The following FNDC3B variants were observed in gnomAD, a reference collection of about 807,000 sequenced individuals.
FNDC3B encodes fibronectin type III domain containing 3B.
FNDC3B carries 12 observed loss-of-function variants against 151.5 expected under a neutral mutation model. That is an observed-to-expected ratio of 0.08 (90% CI 0.05 to 0.13). The LOEUF is 0.13. Among genes scored for constraint, FNDC3B ranks in the 10% least tolerant of loss-of-function variants. The pLI is 1.00. For missense variants in FNDC3B, 1,214 were observed against 1,505.3 expected, an observed-to-expected ratio of 0.81 and a Z score of 3.20; for synonymous variants, 528 against 549.0, an observed-to-expected ratio of 0.96 and a Z score of 0.54.
At chr3:172,363,462 CA>C (rs1459625875) in intron 23 of FNDC3B, among the ~76,000 whole-genome samples, 2 of 152,156 alleles carry the variant, frequency 1.3e-5, no homozygotes, top group Non-Finnish European at 2.9e-5. Flanking sequence ...GATCAGAAGA[CA>C]GCCAAACTGT....
chr3:172,294,687 T>A (rs1730503195), intron 7 of FNDC3B, among the ~76,000 whole-genome samples: 1 of 152,236 alleles, frequency 6.6e-6, no homozygotes, highest in African/African-American at 2.4e-5. Context: ...CAGAGCTTAG[T>A]CCTTATAAAC....
At chr3:172,187,239 A>G (rs776099517) in intron 3 of FNDC3B, 1 of 152,636 alleles carries the variant, frequency 6.6e-6, no homozygotes, top group African/African-American at 2.4e-5. Context: ...TTTTTAAAAA[A>G]TGGGATCTTA....
intron 3 of FNDC3B, among the ~76,000 whole-genome samples, chr3:172,146,105 G>A (rs746124828): frequency 2.0e-5 from 3 of 152,110 alleles, no homozygotes; most frequent in Non-Finnish European, 2.9e-5. Context: ...GAGCCACCGT[G>A]CCTGGCGGAA....
Position 172,362,898 on chromosome 3 carries a change from A to T in FNDC3B, c.3008+53A>T. The T allele has an allele frequency of 2.2e-6, 3 of 1,369,212 alleles. No individual in the cohort carries two copies. The South Asian group carries it at 3.7e-5, about 17-fold the overall frequency. The allele number at this position is 1,369,212 out of a possible 1,614,324, so 84.8% of individuals were successfully genotyped here. A position where few individuals can be genotyped will look rare whatever the true frequency, so the allele number is the denominator to read the frequency against. ...AGCTTCTGTAGCTTTGGCTTGTGGG[A>T]TGAAATCTCAATTGTACATTTTTAT... On this transcript the variant is annotated intron_variant, in intron 23 of 25. Transcript: ENST00000415807.
At position 172,061,414 on chromosome 3, in the gene FNDC3B, A is replaced by G. The variant is rs373422072; in HGVS notation, c.-29+21643A>G. On this transcript the variant is annotated intron_variant, in intron 1 of 25. Coordinates refer to ENST00000415807, the MANE Select transcript of FNDC3B (RefSeq NM_022763.4). ...AGCCCGGCTATTTTTTTTTATGTTT[A>G]GTAGAGACAGGGTTTCACCGTGTTA... Among the ~76,000 whole-genome samples, 12 of 151,832 alleles carry G rather than the reference A, an allele frequency of 7.9e-5. No individual in the cohort carries two copies. In the South Asian group the frequency reaches 2.5e-3, roughly 32 times the overall value.
chr3:172,178,945 C>A (rs768034415), intron 3 of FNDC3B, among the ~76,000 whole-genome samples: 46 of 152,126 alleles, frequency 3.0e-4, no homozygotes, highest in Non-Finnish European at 4.9e-4. Flanking sequence ...AATATGAATA[C>A]CATATTGACT....
intron 23 of FNDC3B, among the ~76,000 whole-genome samples, chr3:172,370,405 T>C (rs979790947): frequency 6.6e-6 from 1 of 152,252 alleles, no homozygotes; most frequent in African/African-American, 2.4e-5. Flanking sequence ...AAAAATCAAC[T>C]TTCACAATGT....
chr3:172,066,437 CTAGGTAA>C (rs1216353144), intron 1 of FNDC3B, among the ~76,000 whole-genome samples: 1 of 152,204 alleles, frequency 6.6e-6, no homozygotes, highest in Non-Finnish European at 1.5e-5. Context: ...AAGGCAATAT[CTAGGTAA>C]CTCCCTTCTG....
intron 3 of FNDC3B, among the ~76,000 whole-genome samples, chr3:172,209,176 T>A (rs993417444): frequency 1.1e-4 from 17 of 152,092 alleles, no homozygotes; most frequent in Admixed American, 9.8e-4. Flanking sequence ...GCTCTTTCAG[T>A]CATGCTTGCC....
rs562736476 is a variant in FNDC3B, at chr3:172,218,198, C to T, written c.188-8673C>T. Among the ~76,000 whole-genome samples the T allele has an allele frequency of 3.9e-4, 59 of 150,250 alleles. No homozygotes were observed. In the Middle Eastern group the frequency reaches 0.014, roughly 36 times the overall value. Reference sequence around the variant, plus strand: ...GATTTAGAGCTGTCTGAGGACATCCCGAAAGCTGGCACACCTAACTTTCCA... The same window carrying T: ...GATTTAGAGCTGTCTGAGGACATCCTGAAAGCTGGCACACCTAACTTTCCA... On this transcript the variant is annotated intron_variant, in intron 3 of 25. Coordinates refer to ENST00000415807, the MANE Select transcript of FNDC3B (RefSeq NM_022763.4).
intron 23 of FNDC3B, among the ~76,000 whole-genome samples, chr3:172,370,902 G>A (rs575489401): frequency 2.0e-5 from 3 of 152,114 alleles, no homozygotes; most frequent in Admixed American, 6.5e-5. Flanking sequence ...TATCAGCATC[G>A]TCCACCACAG....
intron 5 of FNDC3B, 97 bp from the exon 6 acceptor site, chr3:172,251,163 C>T: frequency 1.0e-6 from 1 of 970,362 alleles, no homozygotes; most frequent in Non-Finnish European, 1.5e-6. Context: ...TTCCTTTATA[C>T]TTTAGACTTC....
intron 6 of FNDC3B, among the ~76,000 whole-genome samples, chr3:172,273,135 A>C (rs1729280014): frequency 6.6e-6 from 1 of 152,352 alleles, no homozygotes; most frequent in East Asian, 1.9e-4. Context: ...TCAGAATTTC[A>C]TTTCAGAAAC....
At chr3:172,239,479 C>T (rs77520374) in intron 4 of FNDC3B, among the ~76,000 whole-genome samples, 5,172 of 152,256 alleles carry the variant, frequency 0.034, 413 homozygotes, top group East Asian at 0.26. Context: ...GCAACTCACC[C>T]AGTGTTTTCT....
intron 3 of FNDC3B, among the ~76,000 whole-genome samples, chr3:172,199,708 A>C (rs1390950702): frequency 1.3e-5 from 2 of 152,216 alleles, no homozygotes; most frequent in Non-Finnish European, 2.9e-5. Flanking sequence ...AAAGACCCCA[A>C]ACATTTCTAA....
chr3:172,248,677 A>T (rs1160457697), intron 5 of FNDC3B, among the ~76,000 whole-genome samples: 2 of 148,308 alleles, frequency 1.3e-5, no homozygotes, highest in Admixed American at 6.8e-5. Flanking sequence ...ACTTTTAAGA[A>T]TTATATATAT....
intron 22 of FNDC3B, among the ~76,000 whole-genome samples, chr3:172,358,492 T>C (rs1022767701): frequency 1.3e-5 from 2 of 152,248 alleles, no homozygotes; most frequent in African/African-American, 4.8e-5. Context: ...AAGAAGCCCA[T>C]CCTTTCAGCT....
chr3:172,148,800 T>C (rs1722064433), intron 3 of FNDC3B, among the ~76,000 whole-genome samples: 1 of 152,192 alleles, frequency 6.6e-6, no homozygotes, highest in Non-Finnish European at 1.5e-5. Context: ...AGTGGTTGAG[T>C]TCATTGATCA....
chr3:172,198,899 C>G (rs1190249859), intron 3 of FNDC3B, among the ~76,000 whole-genome samples: 2 of 152,138 alleles, frequency 1.3e-5, no homozygotes, highest in Admixed American at 6.5e-5. Context: ...GATCATGGCT[C>G]TCTGCAGCCT....
Sources: gnomAD v4.1 joint callset for allele counts (sites outside exome capture counted in the v4.1 genomes callset) on GRCh38, gnomAD v4.1.1 for gene constraint, MANE v1.5 for transcripts, NCBI Gene and HGNC (gene_info 2026-07-23, HGNC 2026-07-21) for gene names.